The following CEP20 variants were observed in gnomAD, a reference collection of about 807,000 sequenced individuals.
CEP20 encodes FGFR1OP N-terminal like.
A neutral mutation model predicts 20.0 loss-of-function variants in CEP20; 18 were observed. That is an observed-to-expected ratio of 0.90 (90% CI 0.62 to 1.34). The LOEUF is 1.34. Among genes scored for constraint, CEP20 ranks in the 40% most tolerant of loss-of-function variants. The pLI, the probability that CEP20 is intolerant of heterozygous loss-of-function variation, is 0.00. For synonymous variants in CEP20, 77 were observed against 73.7 expected (o/e 1.04, Z -0.23); for missense variants, 215 against 201.6 (o/e 1.07, Z -0.40).
intron 2 of CEP20, among the ~76,000 whole-genome samples, chr16:15,882,556 A>C (rs1009405340): frequency 1.4e-5 from 2 of 147,514 alleles, no homozygotes; most frequent in Admixed American, 1.4e-4. Flanking sequence ...ACAAACATAC[A>C]AAAAAACCTC....
At chr16:15,879,976 C>T (rs1453530061) in intron 2 of CEP20, 88 bp from the exon 3 acceptor site, 1 of 877,318 alleles carries the variant, frequency 1.1e-6, no homozygotes, top group Admixed American at 2.9e-5. Flanking sequence ...ACCAGACATA[C>T]ACTTTTTAGA....
rs918954559 is a variant in CEP20, at chr16:15,878,033, G to A, written c.311+1771C>T. On this transcript the variant is annotated intron_variant, in intron 3 of 4. Coordinates refer to ENST00000255759, the MANE Select transcript of CEP20 (RefSeq NM_144600.4). Reference sequence around the variant, plus strand: ...GGGGCCACTGCACTCCAGCATGGGCGACAGAGCGAGACCCTATCTCACAAA... The same window carrying A: ...GGGGCCACTGCACTCCAGCATGGGCAACAGAGCGAGACCCTATCTCACAAA... Among the ~76,000 whole-genome samples, 11 of 151,260 alleles carry A rather than the reference G, an allele frequency of 7.3e-5. No homozygotes were observed. The South Asian group carries it at 1.0e-3, about 14-fold the overall frequency.
chr16:15,882,848 TTTTTC>T (rs1050930214), intron 2 of CEP20: 14 of 150,288 alleles, frequency 9.3e-5, no homozygotes, highest in African/African-American at 3.2e-4. Context: ...GGGACAGTTT[TTTTTC>T]TTTTAAGAGA....
intron 1 of CEP20, among the ~76,000 whole-genome samples, chr16:15,887,101 C>T (rs2151434595): frequency 6.6e-6 from 1 of 152,042 alleles, no homozygotes; most frequent in Middle Eastern, 3.4e-3. Flanking sequence ...GATGGGGTCT[C>T]ACCATGTTGG....
At chr16:15,880,186 C>G (rs1399077377) in intron 2 of CEP20, among the ~76,000 whole-genome samples, 1 of 152,120 alleles carries the variant, frequency 6.6e-6, no homozygotes, top group Non-Finnish European at 1.5e-5. Flanking sequence ...GTCTGTTTAT[C>G]AATAACTTAT....
At chr16:15,871,134 T>C (rs961234583) in intron 4 of CEP20, among the ~76,000 whole-genome samples, 4 of 152,112 alleles carry the variant, frequency 2.6e-5, no homozygotes, top group South Asian at 2.1e-4. Context: ...TGGTAGCACA[T>C]GCCTGCAGCC....
intron 3 of CEP20, among the ~76,000 whole-genome samples, chr16:15,875,801 T>C (rs2044929862): frequency 6.6e-6 from 1 of 152,154 alleles, no homozygotes; most frequent in African/African-American, 2.4e-5. Context: ...TCTTACTTTG[T>C]GTGAAAACAT....
Position 15,867,238 on chromosome 16 carries a change from T to G in CEP20, c.*202A>C. The G allele has an allele frequency of 2.3e-6, 1 of 442,108 alleles. No individual in the cohort carries two copies. Among genetic ancestry groups the G allele is most frequent in the South Asian group, 5.4e-5 (1 of 18,464 alleles). 27.4% of individuals were successfully genotyped at this position (442,108 alleles called of 1,614,324 possible). ...AACAAAAAATACTTCGTAAAAACAA[T>G]ACTTTTTTTTTCAAGTCAAATCCAA... On this transcript the variant is annotated 3_prime_UTR_variant, in exon 5 of 5. Transcript: ENST00000255759.
At chr16:15,881,575 G>C (rs1348859430) in intron 2 of CEP20, among the ~76,000 whole-genome samples, 1 of 152,152 alleles carries the variant, frequency 6.6e-6, no homozygotes, top group Non-Finnish European at 1.5e-5. Context: ...GCATGAAGTA[G>C]TCAAAGCAGA....
intron 2 of CEP20, among the ~76,000 whole-genome samples, chr16:15,880,131 A>G (rs2045064384): frequency 6.6e-6 from 1 of 152,220 alleles, no homozygotes; most frequent in Admixed American, 6.5e-5. Context: ...GTTTGGTTGG[A>G]AAAATACCAT....
chr16:15,884,564 C>T (rs1018271662), intron 1 of CEP20, among the ~76,000 whole-genome samples: 1 of 152,116 alleles, frequency 6.6e-6, no homozygotes, highest in South Asian at 2.1e-4. Flanking sequence ...TGCAGTGGCA[C>T]GATCTCAGCT....
In CEP20 at chr16:15,866,375, C is replaced by G. The variant is rs897585855; in HGVS notation, c.*1065G>C. 11 of 152,174 alleles carry G rather than the reference C, an allele frequency of 7.2e-5. No individual in the cohort carries two copies. The highest frequency in any genetic ancestry group is 6.5e-4 in the Admixed American group (10 of 15,268). The allele number at this position is 152,174 out of a possible 1,614,324, so 9.4% of individuals were successfully genotyped here. A position where few individuals can be genotyped will look rare whatever the true frequency, so the allele number is the denominator to read the frequency against. On this transcript the variant is annotated 3_prime_UTR_variant, in exon 5 of 5. Transcript: ENST00000255759. ...TGTTGTCAGTGTTTAGGTGTGCAGG[C>G]AAAATTTAATTCTGAATATACCATC...
chr16:15,870,943 T>A (rs2044800500), intron 4 of CEP20, among the ~76,000 whole-genome samples: 1 of 152,104 alleles, frequency 6.6e-6, no homozygotes, highest in African/African-American at 2.4e-5. Flanking sequence ...GTATATATAT[T>A]TAAATACACA....
chr16:15,867,973 C>CAAAAA (rs34250443), intron 4 of CEP20, among the ~76,000 whole-genome samples: 12 of 69,524 alleles, frequency 1.7e-4, no homozygotes, highest in East Asian at 8.8e-4. Flanking sequence ...AACTCGGTCT[C>CAAAAA]AAAAAAAAAA....
chr16:15,888,453 G>A, intron 1 of CEP20, 105 bp downstream of exon 1: 1 of 1,491,002 alleles, frequency 6.7e-7, no homozygotes, highest in Non-Finnish European at 9.2e-7. Flanking sequence ...AATGACGCCT[G>A]TAAAAGCCAA....
At position 15,882,784 on chromosome 16, in the gene CEP20, T is replaced by TACACACACAC. The variant is rs71388769; in HGVS notation, c.226+1214_226+1223dup. ...CTATCTATCTATCTATCTATCTAGA[T>TACACACACAC]ACACACACACACACACACAAATAGA... On this transcript the variant is annotated intron_variant, in intron 2 of 4. Transcript: ENST00000255759. Among the ~76,000 whole-genome samples the TACACACACAC allele has an allele frequency of 2.1e-3, 315 of 149,864 alleles. 3 individuals are homozygous for TACACACACAC. Among genetic ancestry groups the TACACACACAC allele is most frequent in the African/African-American group, 6.1e-3 (248 of 40,648 alleles).
intron 1 of CEP20, chr16:15,885,529 A>G (rs2045221128): frequency 6.6e-6 from 1 of 152,078 alleles, no homozygotes; most frequent in African/African-American, 2.4e-5. Flanking sequence ...AATAGCTGGG[A>G]TTACAGGTGT....
chr16:15,876,244 G>A (rs1265537145), intron 3 of CEP20, among the ~76,000 whole-genome samples: 1 of 151,092 alleles, frequency 6.6e-6, no homozygotes, highest in Non-Finnish European at 1.5e-5. Context: ...TTGGGAGGCC[G>A]AGGCAGGAGG....
At chr16:15,884,267 T>G (rs943086352) in intron 1 of CEP20, 62 bp from the exon 2 acceptor site, 2 of 1,473,452 alleles carry the variant, frequency 1.4e-6, no homozygotes, top group Admixed American at 4.3e-5. Context: ...TTAGGCATAC[T>G]TTGAAAAGAA....
Sources: gnomAD v4.1 joint callset for allele counts (sites outside exome capture counted in the v4.1 genomes callset) on GRCh38, gnomAD v4.1.1 for gene constraint, MANE v1.5 for transcripts, NCBI Gene and HGNC (gene_info 2026-07-23, HGNC 2026-07-21) for gene names.